SPTB: variants seen among roughly 807,000 people sequenced by gnomAD.
SPTB encodes the protein spectrin beta, erythrocytic.
SPTB carries 45 observed loss-of-function variants against 256.2 expected under a neutral mutation model. The ratio of observed to expected loss-of-function variants is 0.18; its 90% CI spans 0.14 to 0.23. SPTB has a LOEUF of 0.23. SPTB is among the 10% of genes least tolerant of loss of function. The probability of loss-of-function intolerance (pLI) is 1.00; values close to 1 mark genes in which losing one functional copy is unlikely to be tolerated. For synonymous variants in SPTB, 1,231 were observed against 1,243.1 expected, an observed-to-expected ratio of 0.99 and a Z score of 0.21; for missense variants, 2,715 against 3,040.4, an observed-to-expected ratio of 0.89 and a Z score of 2.52.
In SPTB at chr14:64,777,338, G is replaced by C. The variant is rs985273608; in HGVS notation, c.4563+1819C>G. 6.6e-6 allele frequency among the ~76,000 whole-genome samples: 1 copy of C among 152,148 alleles called. No individual in the cohort carries two copies. The highest frequency in any genetic ancestry group is 2.4e-5 in the African/African-American group (1 of 41,438). On this transcript the variant is annotated intron_variant, in intron 22 of 35. Transcript: ENST00000644917. This position sits in a 1 kb window ranked among gnomAD's most constrained non-coding sequence, Gnocchi z 4.5. ...GCAGGGGTCAGGTCAGGCAAGAGTG[G>C]TTCTTAATCCTGATTGCCCACTGAA...
At position 64,802,613 on chromosome 14, in the gene SPTB, T is replaced by C. The variant is rs1365663026; in HGVS notation, c.475-296A>G. 6.6e-6 allele frequency among the ~76,000 whole-genome samples: 1 copy of C among 152,164 alleles called. No individual in the cohort carries two copies. Among genetic ancestry groups the C allele is most frequent in the Non-Finnish European group, 1.5e-5 (1 of 68,034 alleles). On this transcript the variant is annotated intron_variant, in intron 4 of 35. Coordinates refer to ENST00000644917, the MANE Select transcript of SPTB (RefSeq NM_001355436.2). This position sits in a 1 kb window ranked among gnomAD's most constrained non-coding sequence, Gnocchi z 5.1. ...CCATCAGTACTCCATAGCTGTATTG[T>C]GGCTGTCTGTACAAACATTGATTCT...
At chr14:64,801,948 C>G in intron 5 of SPTB, 114 bp from the exon 6 acceptor site, 1 of 1,106,170 alleles carries the variant, frequency 9.0e-7, no homozygotes, top group Non-Finnish European at 1.4e-6. Flanking sequence ...CTTTCTTGAG[C>G]CAGGTCACCA....
chr14:64,788,677 C>T (rs2082617784), intron 15 of SPTB, among the ~76,000 whole-genome samples: 1 of 152,212 alleles, frequency 6.6e-6, no homozygotes, highest in Admixed American at 6.5e-5. Flanking sequence ...CCAGGCCTTT[C>T]CTGGAGTGGC....
At position 64,792,565 on chromosome 14, in the gene SPTB, G is replaced by C. The variant is rs928207601; in HGVS notation, c.2666+432C>G. Among the ~76,000 whole-genome samples the C allele has an allele frequency of 5.8e-4, 88 of 152,260 alleles. No individual in the cohort carries two copies. The highest frequency in any genetic ancestry group is 2.1e-3 in the African/African-American group (86 of 41,556). On this transcript the variant is annotated intron_variant, in intron 14 of 35. Coordinates refer to ENST00000644917, the MANE Select transcript of SPTB (RefSeq NM_001355436.2). The surrounding 1 kb of genome is among the most constrained non-coding windows in gnomAD (Gnocchi z 4.2). ...AGGGGTGAGAGTGGCCTTGCAGACA[G>C]GGGGTTTGCAAATTCTCTCTGTGGC...
Position 64,785,774 on chromosome 14 carries a change from C to T in SPTB, c.3739G>A (p.Glu1247Lys), listed in dbSNP as rs976130875. Residue 1247 changes from glutamate to lysine, a missense_variant, in exon 17 of 36, where the codon GAG (glutamate) becomes AAG (lysine). Physicochemically the swap from Glu to Lys is moderately conservative, Grantham distance 56. Coordinates refer to ENST00000644917, the MANE Select transcript of SPTB (RefSeq NM_001355436.2). The surrounding 1 kb of genome is among the most constrained non-coding windows in gnomAD (Gnocchi z 4.4). ...EGNLYSDKIKEKVQLIEDRHR... is the reference protein window; with the variant it reads ...EGNLYSDKIKKKVQLIEDRHR... ...CTGTCCTCAATCAGCTGCACCTTCT[C>T]CTTGATCTTGTCTGAGTATAGGTTT... is the stretch of plus-strand genomic sequence containing the variant. 1 of 1,613,990 alleles carries T rather than the reference C, an allele frequency of 6.2e-7. No individual in the cohort carries two copies. The highest frequency in any genetic ancestry group is 1.3e-5 in the African/African-American group (1 of 74,882).
intron 1 of SPTB, among the ~76,000 whole-genome samples, chr14:64,834,755 A>G (rs2083497213): frequency 6.6e-6 from 1 of 151,552 alleles, no homozygotes; most frequent in Non-Finnish European, 1.5e-5. Context: ...AATCCTTTAG[A>G]ACAGCTTTGA....
At chr14:64,769,544 G>C in intron 28 of SPTB, 46 bp downstream of exon 28, 2 of 1,610,310 alleles carry the variant, frequency 1.2e-6, no homozygotes, top group Non-Finnish European at 1.7e-6. Context: ...TGGCACAGTG[G>C]GGACGGAGAC....
intron 32 of SPTB, 103 bp from the exon 33 acceptor site, chr14:64,753,896 C>T (rs2081986871): frequency 2.0e-6 from 3 of 1,482,884 alleles, no homozygotes; most frequent in Non-Finnish European, 1.8e-6. Flanking sequence ...CTCCACACCC[C>T]CAAGCCTACT....
chr14:64,855,520 A>T (rs1395764943), intron 1 of SPTB, among the ~76,000 whole-genome samples: 1 of 65,160 alleles, frequency 1.5e-5, no homozygotes, highest in African/African-American at 5.7e-5. Flanking sequence ...TATTATTATT[A>T]TTTTTAAATC....
intron 9 of SPTB, among the ~76,000 whole-genome samples, chr14:64,798,471 C>G (rs1290877233): frequency 6.6e-6 from 1 of 152,214 alleles, no homozygotes; most frequent in Non-Finnish European, 1.5e-5. Context: ...GGGGTACAGG[C>G]TCCAGGTATC....
Position 64,749,577 on chromosome 14 carries a change from G to A in SPTB, c.6819+77C>T. 3 of 1,607,164 alleles carry A rather than the reference G, an allele frequency of 1.9e-6. No homozygotes were observed. Among genetic ancestry groups the A allele is most frequent in the Non-Finnish European group, 2.5e-6 (3 of 1,178,956 alleles). ...TCTTGGGACTGCCCCTTCTGAGGGG[G>A]CCTCCAGGGCAAGCGGCCTGGGGTC... On this transcript the variant is annotated intron_variant, in intron 35 of 35. Coordinates refer to ENST00000644917, the MANE Select transcript of SPTB (RefSeq NM_001355436.2). This position sits in a 1 kb window ranked among gnomAD's most constrained non-coding sequence, Gnocchi z 4.7.
At chr14:64,871,813 A>T (rs991816523) in intron 1 of SPTB, among the ~76,000 whole-genome samples, 13 of 152,240 alleles carry the variant, frequency 8.5e-5, no homozygotes, top group African/African-American at 2.9e-4. Context: ...AACCACGTAC[A>T]TGAGTTTATT....
intron 1 of SPTB, among the ~76,000 whole-genome samples, chr14:64,849,327 G>C (rs1014031282): frequency 6.6e-6 from 1 of 152,222 alleles, no homozygotes; most frequent in East Asian, 1.9e-4. Context: ...CTGCCTGAGT[G>C]GGGGACTAGA....
At chr14:64,829,285 T>C (rs2083415367) in intron 1 of SPTB, among the ~76,000 whole-genome samples, 1 of 152,164 alleles carries the variant, frequency 6.6e-6, no homozygotes, top group South Asian at 2.1e-4. Context: ...TGCAGACAAC[T>C]GACTCAGCTT....
intron 2 of SPTB, among the ~76,000 whole-genome samples, chr14:64,821,332 T>C (rs899831539): frequency 6.6e-6 from 1 of 152,214 alleles, no homozygotes; most frequent in African/African-American, 2.4e-5. Flanking sequence ...CCCTCTCCCC[T>C]TTCATGGTTG....
intron 1 of SPTB, among the ~76,000 whole-genome samples, chr14:64,862,670 T>A (rs1881918927): frequency 6.6e-6 from 1 of 151,908 alleles, no homozygotes; most frequent in African/African-American, 2.4e-5. Context: ...GGTCAGGAGT[T>A]CAAGACCAGC....
chr14:64,797,420 TTGTGCCAATGCACTACCACC>T (rs1470616865), intron 10 of SPTB, among the ~76,000 whole-genome samples: 3 of 136,394 alleles, frequency 2.2e-5, no homozygotes, highest in Admixed American at 1.7e-4. Flanking sequence ...TGAGCTGTGA[TTGTGCCAATGCACTACCACC>T]TGGGTGACAG....
At chr14:64,842,054 T>C (rs2083615863) in intron 1 of SPTB, among the ~76,000 whole-genome samples, 2 of 152,202 alleles carry the variant, frequency 1.3e-5, no homozygotes, top group African/African-American at 2.4e-5. Context: ...TGCCACCACA[T>C]TCCTTTCTTA....
At chr14:64,835,434 C>A (rs552240565) in intron 1 of SPTB, among the ~76,000 whole-genome samples, 2 of 152,132 alleles carry the variant, frequency 1.3e-5, no homozygotes. Context: ...TTAATAGAGA[C>A]GGGGTTTCAC....
Sources: gnomAD v4.1 joint callset for allele counts (sites outside exome capture counted in the v4.1 genomes callset) on GRCh38, gnomAD v4.1.1 for gene constraint, Gnocchi (gnomAD v3.1) non-coding constraint, MANE v1.5 for transcripts, NCBI Gene and HGNC (gene_info 2026-07-23, HGNC 2026-07-21) for gene names.